Variants in SPATA6 observed in about 807,000 individuals in gnomAD.
The protein encoded by SPATA6 is spermatogenesis associated 6.
Under a neutral mutation model 65.3 loss-of-function variants are expected in SPATA6, and 56 were observed. The observed-to-expected ratio is 0.86, with a 90% CI of 0.69 to 1.07. SPATA6 has a LOEUF of 1.07. Among genes scored for constraint, SPATA6 ranks in the 50% least tolerant of loss-of-function variants. The pLI, the probability that SPATA6 is intolerant of heterozygous loss-of-function variation, is 0.00. For missense variants in SPATA6, 590 were observed against 594.8 expected, an observed-to-expected ratio of 0.99 and a Z score of 0.08; for synonymous variants, 199 against 213.2, an observed-to-expected ratio of 0.93 and a Z score of 0.58.
chr1:48,451,469 T>A, intron 3 of SPATA6, 83 bp downstream of exon 3: 1 of 1,373,666 alleles, frequency 7.3e-7, no homozygotes, highest in East Asian at 2.4e-5. Flanking sequence ...TTTAAACTTT[T>A]ATTTAACCCA....
At chr1:48,445,489 T>C (rs1328692677) in intron 3 of SPATA6, among the ~76,000 whole-genome samples, 4 of 151,420 alleles carry the variant, frequency 2.6e-5, no homozygotes, top group Non-Finnish European at 4.4e-5. Flanking sequence ...TAAAACCCCG[T>C]CTCTACTAAA....
intron 11 of SPATA6, among the ~76,000 whole-genome samples, chr1:48,313,676 T>A (rs1291555917): frequency 6.6e-6 from 1 of 151,994 alleles, no homozygotes; most frequent in African/African-American, 2.4e-5. Context: ...AATGACAGGA[T>A]CAAATTCACA....
the SPATA6 span, among the ~76,000 whole-genome samples, chr1:48,283,406 C>T: frequency 1.1e-4 from 17 of 150,756 alleles, no homozygotes; most frequent in African/African-American, 1.9e-4. Flanking sequence ...CTTGGCTGGG[C>T]GCAGTGGCTC....
At chr1:48,460,710 C>T (rs1657365828) in intron 1 of SPATA6, among the ~76,000 whole-genome samples, 1 of 146,234 alleles carries the variant, frequency 6.8e-6, no homozygotes. Flanking sequence ...GGAAATTTCA[C>T]AGTCACAAAA....
chr1:48,388,279 C>G (rs891032718), intron 8 of SPATA6, among the ~76,000 whole-genome samples: 6 of 151,924 alleles, frequency 3.9e-5, no homozygotes, highest in African/African-American at 1.5e-4. Flanking sequence ...ACTGCATGCA[C>G]CCAGAAAAAG....
At chr1:48,290,278 C>A in the SPATA6 span, among the ~76,000 whole-genome samples, 1 of 152,252 alleles carries the variant, frequency 6.6e-6, no homozygotes, top group Admixed American at 6.5e-5. Context: ...GAAATAAAAT[C>A]CTTTACAGAC....
intron 9 of SPATA6, among the ~76,000 whole-genome samples, chr1:48,365,870 C>T (rs1023881971): frequency 6.6e-6 from 1 of 152,138 alleles, no homozygotes; most frequent in African/African-American, 2.4e-5. Flanking sequence ...CTGTCTTGTG[C>T]CAGTTTTCAA....
chr1:48,330,788 C>A (rs1039087774), intron 11 of SPATA6, among the ~76,000 whole-genome samples: 1 of 152,204 alleles, frequency 6.6e-6, no homozygotes, highest in Non-Finnish European at 1.5e-5. Context: ...CCAAAAGTCC[C>A]ACATCCACCT....
chr1:48,348,189 A>T (rs1207063497), intron 11 of SPATA6, among the ~76,000 whole-genome samples: 2 of 151,932 alleles, frequency 1.3e-5, no homozygotes, highest in Admixed American at 6.6e-5. Context: ...TGCACTACTC[A>T]TTAGAAGCAA....
chr1:48,400,913 C>T, intron 6 of SPATA6: 1 of 906,590 alleles, frequency 1.1e-6, no homozygotes. Flanking sequence ...TGTGACATCA[C>T]AGACTTACAG....
chr1:48,381,954 T>A (rs2148890073), intron 9 of SPATA6, among the ~76,000 whole-genome samples: 1 of 115,692 alleles, frequency 8.6e-6, no homozygotes, highest in South Asian at 3.4e-4. Context: ...AAGCACATCT[T>A]GCACCGCCCT....
At chr1:48,293,360 T>C (rs981213057), downstream of SPATA6, among the ~76,000 whole-genome samples, 7 of 151,956 alleles carry the variant, frequency 4.6e-5, no homozygotes, top group Admixed American at 3.3e-4. Context: ...ATTCTTGTTT[T>C]TGTTGTTGTT....
chr1:48,379,128 G>A (rs536030740), intron 9 of SPATA6, among the ~76,000 whole-genome samples: 2 of 152,280 alleles, frequency 1.3e-5, no homozygotes, highest in South Asian at 2.1e-4. Flanking sequence ...GCATGGTTGG[G>A]GAGGTCTCAG....
Position 48,302,749 on chromosome 1 carries a change from C to A in SPATA6, c.1286+3038G>T, listed in dbSNP as rs568904687. ...GCATATGTACAGCCTTATGCATAAA[C>A]ATAATCTTCTACCCAACCAGGAATA... On this transcript the variant is annotated intron_variant, in intron 12 of 12. Transcript: ENST00000371847. 2.2e-4 allele frequency among the ~76,000 whole-genome samples: 34 copies of A among 152,264 alleles called. 1 individual carries two copies. In the South Asian group the frequency reaches 6.8e-3, roughly 31 times the overall value.
intron 3 of SPATA6, among the ~76,000 whole-genome samples, chr1:48,422,472 C>G (rs764964275): frequency 6.6e-6 from 1 of 152,078 alleles, no homozygotes; most frequent in Admixed American, 6.6e-5. Flanking sequence ...GAAGAGGAAG[C>G]CTTTATAAAG....
chr1:48,457,423 C>A (rs565625808), intron 1 of SPATA6, among the ~76,000 whole-genome samples: 4 of 151,960 alleles, frequency 2.6e-5, no homozygotes, highest in Non-Finnish European at 5.9e-5. Flanking sequence ...CAGAGCAAGA[C>A]TCCATCTCAA....
chr1:48,470,354 T>G (rs935651338), intron 1 of SPATA6, among the ~76,000 whole-genome samples: 2 of 152,166 alleles, frequency 1.3e-5, no homozygotes, highest in African/African-American at 4.8e-5. Flanking sequence ...CAAAATCTAT[T>G]AAGGCTGAAC....
intron 3 of SPATA6, among the ~76,000 whole-genome samples, chr1:48,443,819 G>A (rs1263574212): frequency 6.6e-6 from 1 of 152,174 alleles, no homozygotes; most frequent in Non-Finnish European, 1.5e-5. Context: ...TTCAGGCCCT[G>A]TATTTTTAAC....
rs1645048756 is a variant in SPATA6 at position 48,305,856 on chromosome 1, T to C, written c.1217A>G (p.Asp406Gly). 2 of 1,612,046 alleles carry C rather than the reference T, an allele frequency of 1.2e-6. No homozygotes were observed. The highest frequency in any genetic ancestry group is 1.3e-5 in the African/African-American group (1 of 74,834). The change falls in exon 12 of 13, where the codon GAT (aspartate) becomes GGT (glycine). Residue 406 changes from aspartate to glycine, a missense_variant. By Grantham distance (94) the Asp-to-Gly change is moderately conservative. Transcript: ENST00000371847. The stretch of plus-strand genomic sequence containing the variant: ...ACTTCTTTTCAGTTCCAGTTCATCA[T>C]CTTTCTCTAGGTCTCTCTCATCCTG... ...HLYDERDLEK[D>G]DELELKRSLL...
Sources: allele counts gnomAD v4.1 joint callset (sites outside exome capture counted in the v4.1 genomes callset), GRCh38; gene constraint gnomAD v4.1.1; transcripts MANE v1.5; gene names NCBI Gene and HGNC (gene_info 2026-07-23, HGNC 2026-07-21).